The following C9 variants were observed in gnomAD, a reference collection of about 807,000 sequenced individuals.
C9 encodes the protein complement C9.
A neutral mutation model predicts 65.4 loss-of-function variants in C9; 63 were observed. That is an observed-to-expected ratio of 0.96 (90% CI 0.79 to 1.19). The LOEUF (loss-of-function observed/expected upper bound fraction) is 1.19, where lower values mean the gene tolerates loss of function less well. Among genes scored for constraint, C9 ranks in the 50% most tolerant of loss-of-function variants. The probability of loss-of-function intolerance (pLI) is 0.00; values close to 1 mark genes in which losing one functional copy is unlikely to be tolerated. For synonymous variants in C9, 229 were observed against 227.9 expected, an observed-to-expected ratio of 1.00 and a Z score of -0.04; for missense variants, 744 against 670.1, an observed-to-expected ratio of 1.11 and a Z score of -1.22.
At chr5:39,317,330 G>A (rs6868705) in intron 5 of C9, among the ~76,000 whole-genome samples, 15,813 of 152,058 alleles carry the variant, frequency 0.1, 1,010 homozygotes, top group African/African-American at 0.18. Context: ...TTCTTTTGCC[G>A]TGCAGAAGCT....
intron 10 of C9, among the ~76,000 whole-genome samples, chr5:39,287,120 TACTA>T (rs1476712890): frequency 1.3e-5 from 2 of 151,978 alleles, no homozygotes; most frequent in Non-Finnish European, 1.5e-5. Flanking sequence ...CAGAATGAAA[TACTA>T]AGCATAAACT....
At chr5:39,358,857 C>T (rs1299612749) in intron 1 of C9, among the ~76,000 whole-genome samples, 6 of 151,042 alleles carry the variant, frequency 4.0e-5, no homozygotes, top group East Asian at 1.9e-4. Context: ...TGGTGGCGGG[C>T]GCCTGTAGTC....
At chr5:39,331,443 T>C (rs1455663776) in intron 5 of C9, among the ~76,000 whole-genome samples, 1 of 152,222 alleles carries the variant, frequency 6.6e-6, no homozygotes, top group Non-Finnish European at 1.5e-5. Context: ...TAATTCTTTT[T>C]ATGGAGTCTA....
At chr5:39,296,875 T>TA (rs1220050853) in intron 9 of C9, among the ~76,000 whole-genome samples, 1,440 of 143,870 alleles carry the variant, frequency 0.01, 11 homozygotes, top group African/African-American at 0.034. Context: ...ATGTGGAAGC[T>TA]AAAAAAAAAA....
chr5:39,332,648 T>C (rs537940406), intron 4 of C9, among the ~76,000 whole-genome samples: 1 of 152,348 alleles, frequency 6.6e-6, no homozygotes, highest in East Asian at 1.9e-4. Context: ...GGGAGGCCAA[T>C]AGGTTTGAGG....
At chr5:39,329,025 A>G (rs953271911) in intron 5 of C9, among the ~76,000 whole-genome samples, 2 of 152,220 alleles carry the variant, frequency 1.3e-5, no homozygotes, top group Non-Finnish European at 2.9e-5. Context: ...TTACATTTTC[A>G]TGGAGACTCA....
intron 1 of C9, among the ~76,000 whole-genome samples, chr5:39,359,086 A>ATGTG (rs1561357781): frequency 3.0e-5 from 2 of 66,502 alleles, no homozygotes; most frequent in African/African-American, 5.1e-5. Flanking sequence ...GTGTATATAT[A>ATGTG]TATGTGTGTG....
rs77046626 is a variant in C9 at position 39,319,929 on chromosome 5, C to T, written c.616-3900G>A. On this transcript the variant is annotated intron_variant, in intron 5 of 10. Coordinates refer to ENST00000263408, the MANE Select transcript of C9 (RefSeq NM_001737.5). ...CCCCAGTGAACCAAGGAACCAATCACGTCTACCCAAGGACTCCAGCATCAA... is the reference window on the plus strand; with the variant it reads ...CCCCAGTGAACCAAGGAACCAATCATGTCTACCCAAGGACTCCAGCATCAA... 3.3e-3 allele frequency among the ~76,000 whole-genome samples: 495 copies of T among 152,282 alleles called. 4 individuals are homozygous for T. Among genetic ancestry groups the T allele is most frequent in the African/African-American group, 0.011 (468 of 41,564 alleles).
rs908929289 is a variant in C9, at chr5:39,341,458, T to C, written c.328+98A>G. The C allele has an allele frequency of 8.6e-6, 13 of 1,512,902 alleles. 1 individual carries two copies. The South Asian group carries it at 1.5e-4, about 17-fold the overall frequency. 93.7% of individuals were successfully genotyped at this position (1,512,902 alleles called of 1,614,324 possible). On this transcript the variant is annotated intron_variant, in intron 3 of 10. Transcript: ENST00000263408. Reference sequence around the variant, plus strand: ...GGCCTCTTTTGGGGCCTTTCACGCTTGGAAATCCAAGTGTCCAGAAGCATA... The same window carrying C: ...GGCCTCTTTTGGGGCCTTTCACGCTCGGAAATCCAAGTGTCCAGAAGCATA...
In C9 at chr5:39,288,781, G is replaced by A. The variant is rs1355108304; in HGVS notation, c.1587C>T (p.Ala529=). The part of the protein sequence containing the change: ...VILMDGKCLC[A]CPFKFEGIAC... ...CAATTCCCTCAAATTTGAATGGGCA[G>A]GCACACAAACACTTTCCATCCATTA... Residue 529 remains alanine (A), a synonymous_variant, in exon 10 of 11, where the codon GCC becomes GCT. Transcript: ENST00000263408. 1.2e-6 allele frequency: 2 copies of A among 1,612,312 alleles called. No individual in the cohort carries two copies. The highest frequency in any genetic ancestry group is 1.3e-5 in the African/African-American group (1 of 74,778).
At chr5:39,297,154 T>C (rs1753198823) in intron 9 of C9, among the ~76,000 whole-genome samples, 1 of 151,550 alleles carries the variant, frequency 6.6e-6, no homozygotes, top group Admixed American at 6.6e-5. Flanking sequence ...AGAAGAAGAA[T>C]ATTGAATGTT....
chr5:39,338,255 C>T (rs1175280717), intron 4 of C9, among the ~76,000 whole-genome samples: 1 of 152,010 alleles, frequency 6.6e-6, no homozygotes, highest in Non-Finnish European at 1.5e-5. Context: ...GTTAAGGTGT[C>T]GAAGTTAAGA....
intron 5 of C9, among the ~76,000 whole-genome samples, chr5:39,326,229 A>G (rs1242175672): frequency 5.3e-5 from 8 of 152,240 alleles, no homozygotes; most frequent in Non-Finnish European, 1.2e-4. Flanking sequence ...TAAGTTGCCT[A>G]AATTCACATA....
rs1366887364 is a variant in C9, at chr5:39,306,689, G to T, written c.1344C>A (p.Thr448=). 18 of 1,613,346 alleles carry T rather than the reference G, an allele frequency of 1.1e-5. No homozygotes were observed. The highest frequency in any genetic ancestry group is 1.4e-5 in the Non-Finnish European group (17 of 1,179,416). Residue 448 remains threonine (T), a synonymous_variant, in exon 9 of 11, where the codon ACC becomes ACA. Transcript: ENST00000263408. ...TGACAAAGTCAGTCACATCAATCACGGTTCCTCGGAGAAGCTTTTCTTTCA... is the reference window on the plus strand; with the variant it reads ...TGACAAAGTCAGTCACATCAATCACTGTTCCTCGGAGAAGCTTTTCTTTCA... The part of the protein sequence containing the change: ...FELKEKLLRG[T]VIDVTDFVNW...
chr5:39,331,140 G>A (rs1370834701), intron 5 of C9, among the ~76,000 whole-genome samples: 1 of 152,166 alleles, frequency 6.6e-6, no homozygotes, highest in Non-Finnish European at 1.5e-5. Flanking sequence ...TTGTTCTAGA[G>A]AATTAGGTGA....
rs558761559 is a variant in C9, at chr5:39,284,174, T to C, written c.*1025A>G. The stretch of plus-strand genomic sequence containing the variant: ...AAATGTGTGAAATGTTTATTAATAG[T>C]AACAATAAAGTTAACATGATACATA... On this transcript the variant is annotated 3_prime_UTR_variant, in exon 11 of 11. Transcript: ENST00000263408. The C allele has an allele frequency of 7.2e-5, 11 of 152,228 alleles. No homozygotes were observed. Among genetic ancestry groups the C allele is most frequent in the Non-Finnish European group, 1.6e-4 (11 of 68,040 alleles). 9.4% of individuals were successfully genotyped at this position (152,228 alleles called of 1,614,324 possible).
chr5:39,353,857 G>GTT, intron 1 of C9, among the ~76,000 whole-genome samples: 1 of 151,374 alleles, frequency 6.6e-6, no homozygotes, highest in South Asian at 2.1e-4. Flanking sequence ...CTCAGGAAGG[G>GTT]TTTTTTTTTA....
At chr5:39,334,081 A>C (rs834902) in intron 4 of C9, among the ~76,000 whole-genome samples, 13 of 147,042 alleles carry the variant, frequency 8.8e-5, no homozygotes, top group Non-Finnish European at 9.0e-5. Context: ...CCATCGTCTG[A>C]GATGTGAGGA....
At chr5:39,332,592 A>G (rs1753864567) in intron 4 of C9, among the ~76,000 whole-genome samples, 1 of 152,246 alleles carries the variant, frequency 6.6e-6, no homozygotes, top group South Asian at 2.1e-4. Flanking sequence ...GGAGGAACAC[A>G]GTCATTGCTG....
Sources: allele counts gnomAD v4.1 joint callset (sites outside exome capture counted in the v4.1 genomes callset), GRCh38; gene constraint gnomAD v4.1.1; transcripts MANE v1.5; gene names NCBI Gene and HGNC (gene_info 2026-07-23, HGNC 2026-07-21).